The following TAF4B variants were observed in gnomAD, a reference collection of about 807,000 sequenced individuals.
TAF4B encodes the protein TATA-box binding protein associated factor 4b.
Under a neutral mutation model 86.4 loss-of-function variants are expected in TAF4B, and 38 were observed. That is an observed-to-expected ratio of 0.44 (90% confidence interval 0.34 to 0.58). TAF4B has a LOEUF of 0.58. Ranked by LOEUF, TAF4B falls within the 20% of genes least tolerant of loss-of-function variation. The pLI is 0.02. For synonymous variants in TAF4B, 388 were observed against 391.2 expected (o/e 0.99, Z 0.10); for missense variants, 988 against 1,027.6 (o/e 0.96, Z 0.53).
chr18:26,321,875 CA>C (rs2056966129), intron 11 of TAF4B, among the ~76,000 whole-genome samples: 1 of 152,030 alleles, frequency 6.6e-6, no homozygotes, highest in African/African-American at 2.4e-5. Context: ...ATTGAGTGCT[CA>C]TATTGATGCT....
At chr18:26,283,599 G>T (rs1321180764) in intron 6 of TAF4B, among the ~76,000 whole-genome samples, 1 of 152,136 alleles carries the variant, frequency 6.6e-6, no homozygotes, top group East Asian at 1.9e-4. Flanking sequence ...TAGTAAATGA[G>T]CATTGGCTTC....
chr18:26,338,434 C>T (rs1338629751), intron 13 of TAF4B, among the ~76,000 whole-genome samples: 3 of 144,568 alleles, frequency 2.1e-5, no homozygotes, highest in African/African-American at 7.7e-5. Flanking sequence ...GCCTGGGTGA[C>T]AGAGTGAGAC....
intron 14 of TAF4B, chr18:26,366,368 T>C (rs1407253630): frequency 6.6e-6 from 1 of 152,222 alleles, no homozygotes; most frequent in Non-Finnish European, 1.5e-5. Flanking sequence ...CTTTTCTGTA[T>C]CATTCCAGTT....
chr18:26,272,781 T>C, intron 3 of TAF4B, among the ~76,000 whole-genome samples: 1 of 152,244 alleles, frequency 6.6e-6, no homozygotes. Context: ...AAACTAAAAA[T>C]TTATTAGAAA....
In TAF4B at chr18:26,390,783, A is replaced by G. The variant is rs1206666055; in HGVS notation, c.*771A>G. 1 of 152,142 alleles carries G rather than the reference A, an allele frequency of 6.6e-6. No individual in the cohort carries two copies. Among genetic ancestry groups the G allele is most frequent in the African/African-American group, 2.4e-5 (1 of 41,452 alleles). The allele number at this position is 152,142 out of a possible 1,614,324, so 9.4% of individuals were successfully genotyped here. A position where few individuals can be genotyped will look rare whatever the true frequency, so the allele number is the denominator to read the frequency against. ...GTGAAAATGGTATCATAAAACAGGAAATGTGCTTCATATGCCCAAGAGGGG... is the reference window on the plus strand; with the variant it reads ...GTGAAAATGGTATCATAAAACAGGAGATGTGCTTCATATGCCCAAGAGGGG... On this transcript the variant is annotated 3_prime_UTR_variant, in exon 15 of 15. Transcript: ENST00000269142.
chr18:26,296,330 T>G (rs2056661531), intron 9 of TAF4B, among the ~76,000 whole-genome samples: 1 of 152,204 alleles, frequency 6.6e-6, no homozygotes, highest in Non-Finnish European at 1.5e-5. Flanking sequence ...TTAAATTGCA[T>G]GTAGTCATGC....
intron 14 of TAF4B, among the ~76,000 whole-genome samples, chr18:26,385,142 C>T (rs1292475243): frequency 6.6e-6 from 1 of 151,994 alleles, no homozygotes; most frequent in Non-Finnish European, 1.5e-5. Context: ...GAGCAGTCAT[C>T]CAATTTAAGG....
At chr18:26,270,188 T>C (rs1484427449) in intron 3 of TAF4B, among the ~76,000 whole-genome samples, 1 of 152,230 alleles carries the variant, frequency 6.6e-6, no homozygotes, top group South Asian at 2.1e-4. Context: ...GAGCAAATTA[T>C]GTTGTGCTGG....
intron 5 of TAF4B, among the ~76,000 whole-genome samples, chr18:26,279,317 A>G (rs954153201): frequency 2.6e-5 from 4 of 152,156 alleles, no homozygotes; most frequent in Non-Finnish European, 4.4e-5. Flanking sequence ...CAGCTAACCA[A>G]GGAGGTGAAA....
intron 14 of TAF4B, among the ~76,000 whole-genome samples, chr18:26,370,825 A>G (rs1007528412): frequency 2.0e-5 from 3 of 152,220 alleles, no homozygotes; most frequent in African/African-American, 7.2e-5. Flanking sequence ...TGGCTTTAAC[A>G]GTTAATTCAG....
chr18:26,362,123 A>G (rs989426896), intron 14 of TAF4B, among the ~76,000 whole-genome samples: 7 of 152,194 alleles, frequency 4.6e-5, no homozygotes, highest in African/African-American at 1.2e-4. Context: ...TGGGATAAGT[A>G]TATGTGCTTT....
chr18:26,227,549 A>G (rs773141789), intron 1 of TAF4B, among the ~76,000 whole-genome samples: 10 of 150,982 alleles, frequency 6.6e-5, no homozygotes, highest in Non-Finnish European at 1.0e-4. Context: ...AGGAGATAAT[A>G]TAGCCGAAGT....
intron 14 of TAF4B, among the ~76,000 whole-genome samples, chr18:26,358,506 C>G (rs368467355): frequency 3.3e-5 from 5 of 152,110 alleles, no homozygotes; most frequent in Non-Finnish European, 4.4e-5. Context: ...GTCAGGAGAT[C>G]GAGACCATCC....
At chr18:26,284,119 G>A (rs930667421) in intron 6 of TAF4B, among the ~76,000 whole-genome samples, 2 of 151,634 alleles carry the variant, frequency 1.3e-5, no homozygotes, top group African/African-American at 4.8e-5. Context: ...ATCAGTACTT[G>A]CAGCTTTACC....
At chr18:26,369,246 T>C (rs2057391196) in intron 14 of TAF4B, among the ~76,000 whole-genome samples, 1 of 151,642 alleles carries the variant, frequency 6.6e-6, no homozygotes, top group East Asian at 1.9e-4. Context: ...AGAAAGGAAA[T>C]GGAATATTTT....
intron 11 of TAF4B, among the ~76,000 whole-genome samples, chr18:26,323,238 G>C (rs1465835455): frequency 6.6e-6 from 1 of 152,068 alleles, no homozygotes; most frequent in African/African-American, 2.4e-5. Context: ...AGATATAGTT[G>C]GTTTATAATG....
rs139161389 is a variant in TAF4B at position 26,388,126 on chromosome 18, A to G, written c.2422-1719A>G. Reference sequence around the variant, plus strand: ...TGGATAAAAGAGAGTTGCCAGTCCTATCGAGACGTTTTGTGAAACAAAGGA... The same window carrying G: ...TGGATAAAAGAGAGTTGCCAGTCCTGTCGAGACGTTTTGTGAAACAAAGGA... On this transcript the variant is annotated intron_variant, in intron 14 of 14. Coordinates refer to ENST00000269142, the MANE Select transcript of TAF4B (RefSeq NM_005640.3). Among the ~76,000 whole-genome samples the G allele has an allele frequency of 5.5e-3, 832 of 152,354 alleles. 7 individuals carry two copies. The highest frequency in any genetic ancestry group is 0.02 in the African/African-American group (812 of 41,584).
Position 26,389,965 on chromosome 18 carries a change from C to A in TAF4B, c.2542C>A (p.Arg848=). ...CTTGATATTTTGTATGGAACAGGAA[C>A]GGGAGATGAAGTATTCTCGAGCTCT... is the stretch of plus-strand genomic sequence containing the variant. The part of the protein sequence containing the change: ...RDLIFCMEQE[R]EMKYSRALYL... Residue 848 remains arginine, a synonymous_variant, in exon 15 of 15, where the codon CGG becomes AGG. Transcript: ENST00000269142. 6.2e-7 allele frequency: 1 copy of A among 1,614,062 alleles called. No individual in the cohort carries two copies. The highest frequency in any genetic ancestry group is 8.5e-7 in the Non-Finnish European group (1 of 1,179,988).
intron 9 of TAF4B, among the ~76,000 whole-genome samples, chr18:26,306,144 G>T (rs188874719): frequency 3.9e-4 from 59 of 152,264 alleles, no homozygotes. Flanking sequence ...TGGTCCTGAT[G>T]TACAATTTTA....
Sources: allele counts gnomAD v4.1 joint callset (sites outside exome capture counted in the v4.1 genomes callset), GRCh38; gene constraint gnomAD v4.1.1; transcripts MANE v1.5; gene names NCBI Gene and HGNC (gene_info 2026-07-23, HGNC 2026-07-21).